Variants in FKBP1B observed in about 807,000 individuals in gnomAD.
FKBP1B encodes FKBP prolyl isomerase 1B, also known as peptidyl-prolyl cis-trans isomerase FKBP1B.
Under a neutral mutation model 13.5 loss-of-function variants are expected in FKBP1B, and 4 were observed. The observed-to-expected ratio is 0.30, with a 90% CI of 0.15 to 0.68. The LOEUF (loss-of-function observed/expected upper bound fraction) is 0.68, where lower values mean the gene tolerates loss of function less well. Ranked by LOEUF, FKBP1B falls within the 30% of genes least tolerant of loss-of-function variation. FKBP1B has a pLI of 0.76. For missense variants in FKBP1B, 93 were observed against 136.2 expected, an observed-to-expected ratio of 0.68 and a Z score of 1.58; for synonymous variants, 54 against 53.6, an observed-to-expected ratio of 1.01 and a Z score of -0.03.
chr2:24,061,879 GT>G (rs67182390), intron 3 of FKBP1B, among the ~76,000 whole-genome samples: 4 of 150,938 alleles, frequency 2.7e-5, no homozygotes, highest in East Asian at 1.9e-4. Context: ...TGTTTTTGGT[GT>G]TTTTTTTTAG....
chr2:24,036,003 A>G, the FKBP1B span, among the ~76,000 whole-genome samples: 1 of 150,790 alleles, frequency 6.6e-6, no homozygotes, highest in Non-Finnish European at 1.5e-5. Context: ...TGGGAGTTGG[A>G]GGTTGCAGCG....
At chr2:24,059,756 A>G (rs1212728204) in intron 2 of FKBP1B, among the ~76,000 whole-genome samples, 1 of 151,942 alleles carries the variant, frequency 6.6e-6, no homozygotes, top group African/African-American at 2.4e-5. Flanking sequence ...ATTAGCAGGC[A>G]TAGTGGCAGG....
At chr2:24,035,154 A>G in the FKBP1B span, among the ~76,000 whole-genome samples, 5 of 151,924 alleles carry the variant, frequency 3.3e-5, no homozygotes, top group African/African-American at 1.2e-4. Context: ...GTAATGGTAA[A>G]ATTTTTTTCC....
the FKBP1B span, among the ~76,000 whole-genome samples, chr2:24,041,980 T>C: frequency 6.6e-6 from 1 of 152,008 alleles, no homozygotes; most frequent in Non-Finnish European, 1.5e-5. Context: ...TACTATTTAA[T>C]GTAAAATGAA....
intron 2 of FKBP1B, among the ~76,000 whole-genome samples, chr2:24,057,046 CTT>C (rs1157406937): frequency 6.6e-6 from 1 of 152,104 alleles, no homozygotes; most frequent in Non-Finnish European, 1.5e-5. Context: ...GGATATGAGT[CTT>C]TTGTTGGTTA....
chr2:24,039,181 G>A, the FKBP1B span: 3 of 1,614,216 alleles, frequency 1.9e-6, no homozygotes, highest in African/African-American at 1.3e-5. Context: ...AATCTCACAA[G>A]TCTGAGACGT....
chr2:24,038,879 C>T, the FKBP1B span: 40 of 1,614,218 alleles, frequency 2.5e-5, 1 homozygote, highest in East Asian at 2.5e-4. Flanking sequence ...ATGGAGCAGA[C>T]GTGGCTGTCC....
intron 2 of FKBP1B, among the ~76,000 whole-genome samples, chr2:24,059,545 G>A (rs911267889): frequency 3.9e-5 from 6 of 152,170 alleles, no homozygotes; most frequent in African/African-American, 1.4e-4. Flanking sequence ...GACTCAACCT[G>A]AGGCTGGAAT....
At chr2:24,046,524 A>G (rs1037567763), upstream of FKBP1B, among the ~76,000 whole-genome samples, 3 of 152,232 alleles carry the variant, frequency 2.0e-5, no homozygotes, top group African/African-American at 7.2e-5. Flanking sequence ...GCCGGTGCTC[A>G]GTATATAACC....
chr2:24,056,323 C>A (rs1201367961), intron 2 of FKBP1B, among the ~76,000 whole-genome samples: 4 of 151,338 alleles, frequency 2.6e-5, no homozygotes, highest in African/African-American at 9.7e-5. Flanking sequence ...GGTGAGCGTT[C>A]AGTACCATTT....
rs1434377289 is a variant in FKBP1B, at chr2:24,049,799, G to A, written c.-51G>A. On this transcript the variant is annotated 5_prime_UTR_variant, in exon 1 of 4. Transcript: ENST00000380986. ...GCGGGGCTGGGGCCGGAGCCGAGCCGGGGTCGGGCAGCAGCAGGGACCCCC... is the reference window on the plus strand; with the variant it reads ...GCGGGGCTGGGGCCGGAGCCGAGCCAGGGTCGGGCAGCAGCAGGGACCCCC... 6.1e-6 allele frequency: 8 copies of A among 1,316,374 alleles called. No individual in the cohort carries two copies. The highest frequency in any genetic ancestry group is 7.3e-5 in the Admixed American group (2 of 27,462). The allele number at this position is 1,316,374 out of a possible 1,614,324, so 81.5% of individuals were successfully genotyped here. A position where few individuals can be genotyped will look rare whatever the true frequency, so the allele number is the denominator to read the frequency against.
chr2:24,053,953 A>G lies in FKBP1B; in HGVS notation c.85+4A>G. ...ACGTGTGTGGTGCACTACACAGGTAAGTCTCACCCCCTCAGCCCCCACCCA... is the reference window on the plus strand; with the variant it reads ...ACGTGTGTGGTGCACTACACAGGTAGGTCTCACCCCCTCAGCCCCCACCCA... On this transcript the variant is annotated splice_donor_region_variant and intron_variant, in intron 2 of 3. Coordinates refer to ENST00000380986, the MANE Select transcript of FKBP1B (RefSeq NM_004116.5). 1 of 1,613,930 alleles carries G rather than the reference A, an allele frequency of 6.2e-7. No homozygotes were observed. The highest frequency in any genetic ancestry group is 8.5e-7 in the Non-Finnish European group (1 of 1,179,790).
rs371071627 is a variant in FKBP1B at position 24,063,084 on chromosome 2, G to A, written c.219G>A (p.Ala73=). The A allele has an allele frequency of 2.7e-5, 44 of 1,614,154 alleles. No homozygotes were observed. Among genetic ancestry groups the A allele is most frequent in the African/African-American group, 1.3e-4 (10 of 75,066 alleles). ...GAAQMSLGQR[A]KLTCTPDVAY... is the part of the protein sequence containing the mutation. ...GCTAGATGAGCTTGGGGCAGAGGGC[G>A]AAGCTGACCTGCACCCCTGATGTGG... is the stretch of plus-strand genomic sequence containing the variant. The change falls in exon 4 of 4, where the codon GCG becomes GCA. Residue 73 remains alanine (A), a synonymous_variant. Transcript: ENST00000380986.
the FKBP1B span, among the ~76,000 whole-genome samples, chr2:24,040,020 C>G: frequency 2.4e-4 from 36 of 151,994 alleles, no homozygotes; most frequent in Non-Finnish European, 4.0e-4. Context: ...AGGCTGGTCT[C>G]AAACTCCTGA....
chr2:24,055,845 TG>T (rs1664099561), intron 2 of FKBP1B, among the ~76,000 whole-genome samples: 9 of 152,278 alleles, frequency 5.9e-5, no homozygotes, highest in Admixed American at 4.6e-4. Context: ...TACCTGGAAG[TG>T]GGGTACCTCC....
chr2:24,050,913 C>A lies in FKBP1B; in HGVS notation c.37+1027C>A, dbSNP rs533983185. ...CGCAGGAAACATTGCTGCTGGGTCC[C>A]AGAAAGCATCTCCCTGAGGCCTTTT... On this transcript the variant is annotated intron_variant, in intron 1 of 3. Transcript: ENST00000380986. This position sits in a 1 kb window ranked among gnomAD's most constrained non-coding sequence, Gnocchi z 5.8. Among the ~76,000 whole-genome samples, 3 of 152,358 alleles carry A rather than the reference C, an allele frequency of 2.0e-5. No homozygotes were observed. The East Asian group carries it at 5.8e-4, about 29-fold the overall frequency.
upstream of FKBP1B, among the ~76,000 whole-genome samples, chr2:24,046,210 T>C (rs1169227731): frequency 6.6e-5 from 10 of 152,182 alleles, no homozygotes; most frequent in South Asian, 6.2e-4. Context: ...ATGGTACCAA[T>C]GTACCTTAGG....
the FKBP1B span, chr2:24,039,095 G>A: frequency 1.9e-6 from 3 of 1,614,054 alleles, no homozygotes; most frequent in African/African-American, 1.3e-5. Flanking sequence ...GAGACATCCT[G>A]AGCAGTCAAC....
chr2:24,039,192 C>CA, the FKBP1B span: 1 of 1,614,240 alleles, frequency 6.2e-7, no homozygotes, highest in Non-Finnish European at 8.5e-7. Context: ...TCTGAGACGT[C>CA]AGCCATTTGC....
Sources: allele counts gnomAD v4.1 joint callset (sites outside exome capture counted in the v4.1 genomes callset), GRCh38; gene constraint gnomAD v4.1.1; non-coding constraint Gnocchi (gnomAD v3.1); transcripts MANE v1.5; gene names NCBI Gene and HGNC (gene_info 2026-07-23, HGNC 2026-07-21).